KLF7: variants seen among roughly 807,000 people sequenced by gnomAD.
The protein encoded by KLF7 is Krueppel-like factor 7.
KLF7 carries 2 observed loss-of-function variants against 27.3 expected under a neutral mutation model. The ratio of observed to expected loss-of-function variants is 0.07; its 90% CI spans 0.03 to 0.23. The LOEUF is 0.23. Among genes scored for constraint, KLF7 ranks in the 10% least tolerant of loss-of-function variants. The probability of loss-of-function intolerance (pLI) is 1.00; values close to 1 mark genes in which losing one functional copy is unlikely to be tolerated. For synonymous variants in KLF7, 165 were observed against 162.4 expected, an observed-to-expected ratio of 1.02 and a Z score of -0.12; for missense variants, 221 against 394.1, an observed-to-expected ratio of 0.56 and a Z score of 3.72.
At position 207,148,770 on chromosome 2, in the gene KLF7, C is replaced by A. The variant is rs574831992; in HGVS notation, c.102+16697G>T. Among the ~76,000 whole-genome samples the A allele has an allele frequency of 1.1e-4, 17 of 152,302 alleles. No homozygotes were observed. In the East Asian group the frequency reaches 3.3e-3, roughly 29 times the overall value. ...ACTTTCTATGTCACCACAGTTCCCA[C>A]CACTCTCTAGTGCCTTATACTGTGC... is the stretch of plus-strand genomic sequence containing the variant. On this transcript the variant is annotated intron_variant, in intron 1 of 3. Transcript: ENST00000309446.
At chr2:207,129,062 T>C (rs1164545479) in intron 1 of KLF7, among the ~76,000 whole-genome samples, 2 of 152,230 alleles carry the variant, frequency 1.3e-5, no homozygotes. Context: ...CAATATTTGG[T>C]AACTCTATGT....
intron 2 of KLF7, among the ~76,000 whole-genome samples, chr2:207,102,743 A>T (rs2076796267): frequency 6.6e-6 from 1 of 152,204 alleles, no homozygotes; most frequent in Admixed American, 6.5e-5. Flanking sequence ...AGCAACCGCC[A>T]GTTGTCCTCT....
At chr2:207,166,018 C>G (rs1001871172), upstream of KLF7, 8 of 241,546 alleles carry the variant, frequency 3.3e-5, no homozygotes, top group African/African-American at 3.2e-4. Flanking sequence ...CGCTTCTCTT[C>G]CCCCCCCTTC....
intron 1 of KLF7, among the ~76,000 whole-genome samples, chr2:207,138,185 A>G (rs1054171231): frequency 6.6e-6 from 1 of 152,224 alleles, no homozygotes; most frequent in Non-Finnish European, 1.5e-5. Context: ...AGTTTCAAAG[A>G]AATCATCAGC....
chr2:207,144,283 A>G (rs1489523285), intron 1 of KLF7, among the ~76,000 whole-genome samples: 1 of 152,184 alleles, frequency 6.6e-6, no homozygotes, highest in Non-Finnish European at 1.5e-5. Flanking sequence ...GGACTAACCT[A>G]AGGCAGAAGT....
At chr2:207,128,114 G>C (rs2077531054) in intron 1 of KLF7, among the ~76,000 whole-genome samples, 1 of 152,120 alleles carries the variant, frequency 6.6e-6, no homozygotes, top group Non-Finnish European at 1.5e-5. Flanking sequence ...ATAGTTGTTG[G>C]AAGGGCTGGA....
chr2:207,084,222 T>C (rs1442952682), intron 3 of KLF7, among the ~76,000 whole-genome samples: 2 of 152,002 alleles, frequency 1.3e-5, no homozygotes, highest in African/African-American at 4.8e-5. Flanking sequence ...GGATTTGAGA[T>C]GGTAAGGAGT....
upstream of KLF7, chr2:207,166,332 G>A (rs1337196215): frequency 1.6e-5 from 5 of 308,748 alleles, no homozygotes; most frequent in South Asian, 5.1e-4. Flanking sequence ...GGCGGTGCGA[G>A]GCGAGCTATT....
At chr2:207,141,405 A>T (rs1016121936) in intron 1 of KLF7, among the ~76,000 whole-genome samples, 6 of 152,144 alleles carry the variant, frequency 3.9e-5, no homozygotes, top group Admixed American at 1.3e-4. Context: ...CTTCCCATAA[A>T]TCTAGGTTAG....
At chr2:207,155,324 G>A (rs753308500) in intron 1 of KLF7, among the ~76,000 whole-genome samples, 1 of 152,168 alleles carries the variant, frequency 6.6e-6, no homozygotes, top group East Asian at 1.9e-4. Context: ...TGGAAAGAGG[G>A]AAGAGAAAAT....
chr2:207,156,770 A>G (rs1448561717), intron 1 of KLF7, among the ~76,000 whole-genome samples: 6 of 152,362 alleles, frequency 3.9e-5, no homozygotes, highest in African/African-American at 1.4e-4. Flanking sequence ...TGCCAGATGA[A>G]GCACATCCAC....
chr2:207,133,858 C>A (rs541670764), intron 1 of KLF7, among the ~76,000 whole-genome samples: 1 of 152,298 alleles, frequency 6.6e-6, no homozygotes, highest in South Asian at 2.1e-4. Context: ...CCCAGTGGAT[C>A]TTGCCAAAGG....
chr2:207,092,592 A>G (rs1039366611), intron 2 of KLF7, among the ~76,000 whole-genome samples: 2 of 152,232 alleles, frequency 1.3e-5, no homozygotes, highest in Non-Finnish European at 2.9e-5. Flanking sequence ...TGACATTTAG[A>G]GAGGTTAAAT....
Position 207,081,408 on chromosome 2 carries a change from G to A in KLF7, c.858-144C>T, listed in dbSNP as rs2076268811. On this transcript the variant is annotated intron_variant, in intron 3 of 3. Coordinates refer to ENST00000309446, the MANE Select transcript of KLF7 (RefSeq NM_003709.4). ...ACAGGGCCATGTGTTGGGAAGGTAA[G>A]TTTAAGGGACAAAATGTTTGGGTTT... The A allele has an allele frequency of 5.3e-6, 4 of 750,498 alleles. No homozygotes were observed. In the African/African-American group the frequency reaches 6.9e-5, roughly 13 times the overall value. The allele number at this position is 750,498 out of a possible 1,614,324, so 46.5% of individuals were successfully genotyped here. A position where few individuals can be genotyped will look rare whatever the true frequency, so the allele number is the denominator to read the frequency against.
At chr2:207,124,770 G>T (rs1158119027) in intron 1 of KLF7, among the ~76,000 whole-genome samples, 1 of 152,182 alleles carries the variant, frequency 6.6e-6, no homozygotes, top group Admixed American at 6.5e-5. Context: ...GAAGCAAATA[G>T]AAACAGATAA....
At chr2:207,160,279 C>T (rs1315591046) in intron 1 of KLF7, among the ~76,000 whole-genome samples, 1 of 152,152 alleles carries the variant, frequency 6.6e-6, no homozygotes, top group Non-Finnish European at 1.5e-5. Flanking sequence ...TTTGGGAGAA[C>T]AAAGGGACTA....
At chr2:207,141,222 C>T (rs1429633946) in intron 1 of KLF7, among the ~76,000 whole-genome samples, 1 of 152,172 alleles carries the variant, frequency 6.6e-6, no homozygotes, top group East Asian at 1.9e-4. Flanking sequence ...ACTCTGATCC[C>T]TCTGCTTATA....
At chr2:207,167,272 G>C (rs1040699214), upstream of KLF7, 4 of 723,534 alleles carry the variant, frequency 5.5e-6, no homozygotes, top group African/African-American at 7.4e-5. Flanking sequence ...CACAATTCAC[G>C]TTAGGGTTGG....
At chr2:207,162,195 T>C (rs1309561454) in intron 1 of KLF7, among the ~76,000 whole-genome samples, 1 of 152,232 alleles carries the variant, frequency 6.6e-6, no homozygotes, top group Non-Finnish European at 1.5e-5. Context: ...TGATTTCTAT[T>C]GGCAAAAAAA....
Sources: allele counts gnomAD v4.1 joint callset (sites outside exome capture counted in the v4.1 genomes callset), GRCh38; gene constraint gnomAD v4.1.1; transcripts MANE v1.5; gene names NCBI Gene and HGNC (gene_info 2026-07-23, HGNC 2026-07-21).